The following PPP2R2C variants were observed in gnomAD, a reference collection of about 807,000 sequenced individuals.
The protein encoded by PPP2R2C is protein phosphatase 2 regulatory subunit Bgamma, also known as protein phosphatase 2, regulatory subunit B, gamma.
A neutral mutation model predicts 45.3 loss-of-function variants in PPP2R2C; 10 were observed. The ratio of observed to expected loss-of-function variants is 0.22; its 90% CI spans 0.14 to 0.37. The LOEUF (loss-of-function observed/expected upper bound fraction) is 0.37. Ranked by LOEUF, PPP2R2C falls within the 10% of genes least tolerant of loss-of-function variation. The probability of loss-of-function intolerance (pLI) is 1.00; values close to 1 mark genes in which losing one functional copy is unlikely to be tolerated. For synonymous variants in PPP2R2C, 257 were observed against 245.4 expected, an observed-to-expected ratio of 1.05 and a Z score of -0.44; for missense variants, 308 against 619.7, an observed-to-expected ratio of 0.50 and a Z score of 5.34.
chr4:6,463,071 T>A (rs1298239733), intron 1 of PPP2R2C, among the ~76,000 whole-genome samples: 1 of 152,214 alleles, frequency 6.6e-6, no homozygotes, highest in Non-Finnish European at 1.5e-5. Context: ...TTTGAAAGTT[T>A]GCATCAAAAC....
intron 2 of PPP2R2C, among the ~76,000 whole-genome samples, chr4:6,478,863 G>A (rs993797431): frequency 1.3e-5 from 2 of 152,230 alleles, no homozygotes; most frequent in Admixed American, 1.3e-4. Context: ...GGCTGATGGA[G>A]CTGCACATGG....
chr4:6,491,319 T>C (rs1251367669), intron 2 of PPP2R2C, among the ~76,000 whole-genome samples: 2 of 152,194 alleles, frequency 1.3e-5, no homozygotes, highest in Non-Finnish European at 2.9e-5. Context: ...TGGCACAGGC[T>C]GGCCAATGAG....
intron 1 of PPP2R2C, among the ~76,000 whole-genome samples, chr4:6,556,366 C>T (rs1334923772): frequency 6.6e-6 from 1 of 152,170 alleles, no homozygotes; most frequent in Non-Finnish European, 1.5e-5. Context: ...TCTTCTCCTG[C>T]CCTGGGATTG....
At chr4:6,453,661 C>T (rs1165325840) in intron 1 of PPP2R2C, among the ~76,000 whole-genome samples, 1 of 152,202 alleles carries the variant, frequency 6.6e-6, no homozygotes, top group Non-Finnish European at 1.5e-5. Flanking sequence ...ACTGCTTCTG[C>T]AAGGCTGAAC....
At chr4:6,395,327 T>A (rs1323789177) in intron 1 of PPP2R2C, among the ~76,000 whole-genome samples, 1 of 152,152 alleles carries the variant, frequency 6.6e-6, no homozygotes, top group Non-Finnish European at 1.5e-5. Flanking sequence ...GAGGACCTAC[T>A]AAGTGCCAGA....
intron 1 of PPP2R2C, among the ~76,000 whole-genome samples, chr4:6,404,386 T>C (rs1049020791): frequency 1.9e-4 from 29 of 152,152 alleles, no homozygotes; most frequent in African/African-American, 5.6e-4. Flanking sequence ...TCCTACCCTA[T>C]CTCGCCAGAG....
intron 1 of PPP2R2C, among the ~76,000 whole-genome samples, chr4:6,470,380 T>C (rs1278532082): frequency 6.6e-6 from 1 of 152,070 alleles, no homozygotes; most frequent in Non-Finnish European, 1.5e-5. Context: ...TGAGGGCTGG[T>C]GAATTTATGA....
At chr4:6,334,325 A>G (rs1732662626) in intron 6 of PPP2R2C, among the ~76,000 whole-genome samples, 1 of 152,168 alleles carries the variant, frequency 6.6e-6, no homozygotes, top group Admixed American at 6.5e-5. Context: ...CCTGTATGCC[A>G]TCCACTGACC....
chr4:6,444,916 G>A (rs1317331573), intron 1 of PPP2R2C, among the ~76,000 whole-genome samples: 1 of 152,208 alleles, frequency 6.6e-6, no homozygotes, highest in Non-Finnish European at 1.5e-5. Flanking sequence ...TGGGCACAGT[G>A]GCTCACGCCT....
At chr4:6,487,514 G>C (rs1393813656) in intron 2 of PPP2R2C, among the ~76,000 whole-genome samples, 1 of 151,686 alleles carries the variant, frequency 6.6e-6, no homozygotes, top group African/African-American at 2.4e-5. Flanking sequence ...TTCATGCTTT[G>C]AGGATATTGT....
At position 6,392,423 on chromosome 4, in the gene PPP2R2C, T is replaced by C. The variant is rs549880475; in HGVS notation, c.71-11329A>G. Reference sequence around the variant, plus strand: ...AAGGGCTAAGATGAAAACTATAGTATGGTAAATGGCATGGGAGGGGTGGGA... The same window carrying C: ...AAGGGCTAAGATGAAAACTATAGTACGGTAAATGGCATGGGAGGGGTGGGA... On this transcript the variant is annotated intron_variant, in intron 1 of 8. Transcript: ENST00000382599. 5.2e-5 allele frequency among the ~76,000 whole-genome samples: 6 copies of C among 114,384 alleles called. No individual in the cohort carries two copies. In the South Asian group the frequency reaches 1.2e-3, roughly 22 times the overall value. The allele number at this position is 114,384 out of a possible 152,430, so 75.0% of individuals were successfully genotyped here.
At chr4:6,334,084 A>C (rs73075105) in intron 6 of PPP2R2C, among the ~76,000 whole-genome samples, 10,473 of 152,184 alleles carry the variant, frequency 0.069, 1,192 homozygotes, top group African/African-American at 0.24. Flanking sequence ...TGAATGCCAG[A>C]TTGCAAAGGT....
chr4:6,462,978 C>T lies in PPP2R2C; in HGVS notation c.70+9182G>A, dbSNP rs370553735. Among the ~76,000 whole-genome samples, 98 of 152,280 alleles carry T rather than the reference C, an allele frequency of 6.4e-4. 1 individual carries two copies. The highest frequency in any genetic ancestry group is 3.5e-3 in the South Asian group (17 of 4,814). On this transcript the variant is annotated intron_variant, in intron 1 of 8. Coordinates refer to ENST00000382599, the MANE Select transcript of PPP2R2C (RefSeq NM_020416.4). The stretch of plus-strand genomic sequence containing the variant: ...CAGAGTGATGAGGGGCTCCAGGGAG[C>T]GGCATCTCTCCCTTCTCTGGGACAG...
intron 1 of PPP2R2C, among the ~76,000 whole-genome samples, chr4:6,425,913 T>C (rs1213327288): frequency 6.6e-6 from 1 of 151,924 alleles, no homozygotes; most frequent in Non-Finnish European, 1.5e-5. Context: ...CATGCACACG[T>C]GCATGCATGT....
intron 6 of PPP2R2C, among the ~76,000 whole-genome samples, chr4:6,342,880 C>T (rs997131535): frequency 3.9e-5 from 6 of 152,056 alleles, no homozygotes; most frequent in Non-Finnish European, 8.8e-5. Context: ...CTCGGACCCT[C>T]GGTCTCCTCA....
chr4:6,518,444 T>C (rs975419677), intron 2 of PPP2R2C, among the ~76,000 whole-genome samples: 2 of 152,168 alleles, frequency 1.3e-5, no homozygotes, highest in African/African-American at 2.4e-5. Flanking sequence ...CAACTGTTAA[T>C]ACTAGAAATG....
At chr4:6,370,597 T>C (rs1255662996) in intron 5 of PPP2R2C, among the ~76,000 whole-genome samples, 1 of 152,144 alleles carries the variant, frequency 6.6e-6, no homozygotes, top group South Asian at 2.1e-4. Flanking sequence ...ACTGGTCTCG[T>C]TTCTCCTGGA....
At chr4:6,438,183 A>G (rs977304003) in intron 1 of PPP2R2C, among the ~76,000 whole-genome samples, 4 of 152,224 alleles carry the variant, frequency 2.6e-5, no homozygotes, top group African/African-American at 7.2e-5. Flanking sequence ...ACCATCGTAC[A>G]GTTACTATGA....
chr4:6,553,061 G>A (rs1185273112), intron 1 of PPP2R2C, among the ~76,000 whole-genome samples: 3 of 152,234 alleles, frequency 2.0e-5, no homozygotes, highest in African/African-American at 7.2e-5. Context: ...TAGGGACTAA[G>A]GGCAAGGACA....
Sources: gnomAD v4.1 joint callset for allele counts (sites outside exome capture counted in the v4.1 genomes callset) on GRCh38, gnomAD v4.1.1 for gene constraint, MANE v1.5 for transcripts, NCBI Gene and HGNC (gene_info 2026-07-23, HGNC 2026-07-21) for gene names.